The following EPHA7 variants were observed in gnomAD, a reference collection of about 807,000 sequenced individuals.
The protein encoded by EPHA7 is EPH receptor A7.
A neutral mutation model predicts 112.6 loss-of-function variants in EPHA7; 25 were observed. That is an observed-to-expected ratio of 0.22 (90% CI 0.16 to 0.31). The LOEUF is 0.31. Among genes scored for constraint, EPHA7 ranks in the 10% least tolerant of loss-of-function variants. The pLI, the probability that EPHA7 is intolerant of heterozygous loss-of-function variation, is 1.00. For missense variants in EPHA7, 962 were observed against 1,212.6 expected (o/e 0.79, Z 3.07); for synonymous variants, 437 against 406.5 (o/e 1.07, Z -0.90).
chr6:93,324,078 G>A (rs1774200826), intron 5 of EPHA7, among the ~76,000 whole-genome samples: 1 of 151,368 alleles, frequency 6.6e-6, no homozygotes, highest in Non-Finnish European at 1.5e-5. Flanking sequence ...ATATTTTTGA[G>A]ATTTTTCACC....
rs56368005 is a variant in EPHA7 at position 93,383,263 on chromosome 6, C to CGTGT, written c.833-24856_833-24853dup. On this transcript the variant is annotated intron_variant, in intron 3 of 16. Coordinates refer to ENST00000369303, the MANE Select transcript of EPHA7 (RefSeq NM_004440.4). ...ATATACAATGACTTATATTGGAACTCGTGTGTGTGTGTGTGTGTGTGTGTG... is the reference window on the plus strand; with the variant it reads ...ATATACAATGACTTATATTGGAACTCGTGTGTGTGTGTGTGTGTGTGTGTGTGTG... 4.0e-3 allele frequency among the ~76,000 whole-genome samples: 576 copies of CGTGT among 145,314 alleles called. 4 individuals are homozygous for CGTGT. The highest frequency in any genetic ancestry group is 7.8e-3 in the East Asian group (38 of 4,860).
At chr6:93,292,165 C>T (rs1051466012) in intron 5 of EPHA7, among the ~76,000 whole-genome samples, 7 of 152,086 alleles carry the variant, frequency 4.6e-5, no homozygotes, top group Admixed American at 4.6e-4. Context: ...AGGCACAATC[C>T]CAGCTCTGTC....
At chr6:93,407,368 G>C (rs1778769395) in intron 3 of EPHA7, among the ~76,000 whole-genome samples, 1 of 151,942 alleles carries the variant, frequency 6.6e-6, no homozygotes. Flanking sequence ...TCATTGAAAG[G>C]AAACAGGAAG....
At position 93,411,014 on chromosome 6, in the gene EPHA7, T is replaced by G; in HGVS notation, c.319A>C (p.Arg107=). 1 of 1,614,084 alleles carries G rather than the reference T, an allele frequency of 6.2e-7. No homozygotes were observed. The highest frequency in any genetic ancestry group is 8.5e-7 in the Non-Finnish European group (1 of 1,179,972). Residue 107 remains arginine, a synonymous_variant, in exon 3 of 17, where the codon AGG becomes CGG. Coordinates refer to ENST00000369303, the MANE Select transcript of EPHA7 (RefSeq NM_004440.4). ...ACTCCAGGAAGACTGTTACAATCCC[T>G]CAGGGTGAATTTCAATTCTACAAAA... ...RIFVELKFTL[R]DCNSLPGVLG... is the part of the protein sequence containing the mutation.
intron 5 of EPHA7, among the ~76,000 whole-genome samples, chr6:93,332,116 T>G (rs1045969724): frequency 1.3e-5 from 2 of 151,630 alleles, no homozygotes; most frequent in African/African-American, 4.8e-5. Flanking sequence ...TGTTTAAAAA[T>G]ATTCTCACAG....
At chr6:93,372,770 T>C (rs141563533) in intron 3 of EPHA7, among the ~76,000 whole-genome samples, 1 of 152,254 alleles carries the variant, frequency 6.6e-6, no homozygotes, top group East Asian at 1.9e-4. Context: ...AAAAGCATTG[T>C]GCTTGCAGCT....
chr6:93,267,656 A>G (rs1771009626), intron 7 of EPHA7, among the ~76,000 whole-genome samples: 1 of 151,760 alleles, frequency 6.6e-6, no homozygotes, highest in Admixed American at 6.6e-5. Context: ...CTAATGCAAA[A>G]ATCCATTCTT....
At chr6:93,292,771 CT>C (rs1214529708) in intron 5 of EPHA7, among the ~76,000 whole-genome samples, 1 of 152,106 alleles carries the variant, frequency 6.6e-6, no homozygotes, top group East Asian at 1.9e-4. Context: ...CTTACAACTT[CT>C]ATGAATACTA....
intron 3 of EPHA7, among the ~76,000 whole-genome samples, chr6:93,403,055 G>T (rs191781911): frequency 1.3e-5 from 2 of 152,126 alleles, no homozygotes; most frequent in East Asian, 3.9e-4. Flanking sequence ...CCAGAAGACA[G>T]TCTTGTTTAT....
chr6:93,359,854 TAGAGAGAGAGAGAG>T (rs57690732), intron 3 of EPHA7, among the ~76,000 whole-genome samples: 6,732 of 125,278 alleles, frequency 0.054, 225 homozygotes, highest in Admixed American at 0.1. Context: ...CAATAGATGA[TAGAGAGAGAGAGAG>T]AGAGAGAGAT....
At chr6:93,317,010 T>C (rs1349166637) in intron 5 of EPHA7, among the ~76,000 whole-genome samples, 1 of 152,196 alleles carries the variant, frequency 6.6e-6, no homozygotes. Context: ...GCTGCGCTTA[T>C]GAGGGTCATT....
At position 93,242,937 on chromosome 6, in the gene EPHA7, A is replaced by C. The variant is rs1370651371; in HGVS notation, c.*489T>G. The C allele has an allele frequency of 4.6e-6, 1 of 218,558 alleles. No homozygotes were observed. Among genetic ancestry groups the C allele is most frequent in the African/African-American group, 2.2e-5 (1 of 44,560 alleles). The allele number at this position is 218,558 out of a possible 1,614,324, so 13.5% of individuals were successfully genotyped here. ...CCAGTGTAGTAATGTTACAGATTTA[A>C]CACTAAAAAGGTCCAAAGCTATAAA... On this transcript the variant is annotated 3_prime_UTR_variant, in exon 17 of 17. Coordinates refer to ENST00000369303, the MANE Select transcript of EPHA7 (RefSeq NM_004440.4).
At position 93,245,360 on chromosome 6, in the gene EPHA7, A is replaced by G; in HGVS notation, c.2820T>C (p.Tyr940=). Residue 940 remains tyrosine (Y), a synonymous_variant, in exon 16 of 17, where the codon TAT becomes TAC. Coordinates refer to ENST00000369303, the MANE Select transcript of EPHA7 (RefSeq NM_004440.4). ...AGCCAGCTGCCGTGAAATTATCTTT[A>G]TATCTTTCCATCTTAATAGCTTGTA... ...EWLQAIKMER[Y]KDNFTAAGYN... 3 of 1,613,754 alleles carry G rather than the reference A, an allele frequency of 1.9e-6. No homozygotes were observed. Among genetic ancestry groups the G allele is most frequent in the Non-Finnish European group, 2.5e-6 (3 of 1,179,886 alleles).
At chr6:93,291,003 T>C (rs1247386554) in intron 5 of EPHA7, among the ~76,000 whole-genome samples, 1 of 152,224 alleles carries the variant, frequency 6.6e-6, no homozygotes, top group Non-Finnish European at 1.5e-5. Flanking sequence ...AATACTACTC[T>C]GTAGATGTTC....
At chr6:93,355,138 G>A (rs181957364) in intron 5 of EPHA7, among the ~76,000 whole-genome samples, 108 of 152,168 alleles carry the variant, frequency 7.1e-4, no homozygotes, top group Admixed American at 1.4e-3. Flanking sequence ...TCTAATAAAA[G>A]AGGTAAGTCC....
rs149408123 is a variant in EPHA7, at chr6:93,358,403, G to A, written c.841C>T (p.Arg281Cys). 5.0e-6 allele frequency: 8 copies of A among 1,605,406 alleles called. No homozygotes were observed. Among genetic ancestry groups the A allele is most frequent in the Admixed American group, 1.7e-5 (1 of 58,994 alleles). Residue 281 changes from arginine (R) to cysteine (C), a missense_variant, in exon 4 of 17, where the codon CGT (arginine) becomes TGT (cysteine). Around this residue, in one of 3 missense-constraint regions of EPHA7, gnomAD observed 746 missense variants for 889.2 expected, o/e 0.84. Transcript: ENST00000369303. ...QKGDTCEPCG[R>C]GFYKSSSQDL... ...TGAGAGGAAGACTTGTAGAACCCAC[G>A]GCCACAGGCTGGGAATGCAAAAGAA... is the stretch of plus-strand genomic sequence containing the variant.
chr6:93,361,157 T>C (rs951441391), intron 3 of EPHA7, among the ~76,000 whole-genome samples: 1 of 152,230 alleles, frequency 6.6e-6, no homozygotes. Context: ...TATCATTAAA[T>C]AGATAAAGGC....
chr6:93,320,692 G>A (rs1028895322), intron 5 of EPHA7, among the ~76,000 whole-genome samples: 6 of 151,842 alleles, frequency 4.0e-5, no homozygotes, highest in African/African-American at 1.4e-4. Context: ...GAAATTTATT[G>A]CAATTTTGAT....
intron 5 of EPHA7, among the ~76,000 whole-genome samples, chr6:93,304,067 CT>C (rs897681180): frequency 6.6e-6 from 1 of 151,866 alleles, no homozygotes; most frequent in Non-Finnish European, 1.5e-5. Flanking sequence ...GGACATTTCT[CT>C]GACTAAATCA....
Sources: allele counts gnomAD v4.1 joint callset (sites outside exome capture counted in the v4.1 genomes callset), GRCh38; gene constraint gnomAD v4.1.1; regional missense constraint gnomAD v4.1.1; transcripts MANE v1.5; gene names NCBI Gene and HGNC (gene_info 2026-07-23, HGNC 2026-07-21).